CIMIP6: variants seen among roughly 807,000 people sequenced by gnomAD.
CIMIP6 encodes the protein ciliary microtubule inner protein 6, also known as uncharacterized protein C2orf73.
the CIMIP6 span, among the ~76,000 whole-genome samples, chr2:54,375,377 A>G: frequency 6.6e-6 from 1 of 152,276 alleles, no homozygotes; most frequent in Non-Finnish European, 1.5e-5. Flanking sequence ...GAAGAAATAC[A>G]GAATAAATAC....
chr2:54,336,610 GA>G, the CIMIP6 span, among the ~76,000 whole-genome samples: 11 of 151,978 alleles, frequency 7.2e-5, no homozygotes, highest in Admixed American at 3.9e-4. Context: ...GTAAATGGGG[GA>G]AAAAAATCCT....
At chr2:54,343,311 C>A in the CIMIP6 span, among the ~76,000 whole-genome samples, 1 of 152,006 alleles carries the variant, frequency 6.6e-6, no homozygotes, top group Non-Finnish European at 1.5e-5. Context: ...CTGAAAACCA[C>A]TATTTTTAGA....
the CIMIP6 span, among the ~76,000 whole-genome samples, chr2:54,348,312 A>G: frequency 6.6e-6 from 1 of 152,188 alleles, no homozygotes; most frequent in Non-Finnish European, 1.5e-5. Flanking sequence ...ATAAATGGTA[A>G]CTGTTTCTAT....
At chr2:54,335,748 C>T in the CIMIP6 span, among the ~76,000 whole-genome samples, 1 of 152,302 alleles carries the variant, frequency 6.6e-6, no homozygotes, top group Admixed American at 6.5e-5. Flanking sequence ...TATTATCTAG[C>T]TTAGAAGTCC....
chr2:54,336,211 G>T, the CIMIP6 span, among the ~76,000 whole-genome samples: 1 of 152,104 alleles, frequency 6.6e-6, no homozygotes, highest in Non-Finnish European at 1.5e-5. Flanking sequence ...TCACAATCAA[G>T]CTATGAATCA....
chr2:54,368,549 T>C, the CIMIP6 span, among the ~76,000 whole-genome samples: 3 of 152,192 alleles, frequency 2.0e-5, no homozygotes, highest in South Asian at 6.2e-4. Context: ...TCTAAGACCT[T>C]GGAATGTCCT....
the CIMIP6 span, among the ~76,000 whole-genome samples, chr2:54,367,652 G>A: frequency 6.6e-6 from 1 of 151,348 alleles, no homozygotes; most frequent in South Asian, 2.1e-4. Flanking sequence ...ATGTAAAAAA[G>A]GAGAAGAAAA....
chr2:54,354,419 T>C, the CIMIP6 span, among the ~76,000 whole-genome samples: 1 of 152,142 alleles, frequency 6.6e-6, no homozygotes, highest in South Asian at 2.1e-4. Flanking sequence ...TATATTAATT[T>C]AGGAAAAAGT....
the CIMIP6 span, among the ~76,000 whole-genome samples, chr2:54,373,811 G>A: frequency 6.6e-6 from 1 of 152,154 alleles, no homozygotes; most frequent in African/African-American, 2.4e-5. Context: ...GGCTTTGCCT[G>A]CTTCTGTGCT....
the CIMIP6 span, among the ~76,000 whole-genome samples, chr2:54,357,240 G>A: frequency 6.6e-6 from 1 of 152,108 alleles, no homozygotes; most frequent in African/African-American, 2.4e-5. Context: ...TTGAATATTA[G>A]TCATGCTTGC....
the CIMIP6 span, among the ~76,000 whole-genome samples, chr2:54,352,907 T>C: frequency 5.3e-5 from 8 of 152,322 alleles, no homozygotes; most frequent in African/African-American, 1.9e-4. Flanking sequence ...ACAGAACCTA[T>C]GGATAGAGAG....
the CIMIP6 span, among the ~76,000 whole-genome samples, chr2:54,350,138 G>A: frequency 6.6e-6 from 1 of 152,228 alleles, no homozygotes; most frequent in Non-Finnish European, 1.5e-5. Context: ...TTACAGGCGT[G>A]AGCCACCATA....
At chr2:54,368,125 T>C in the CIMIP6 span, among the ~76,000 whole-genome samples, 17 of 152,304 alleles carry the variant, frequency 1.1e-4, no homozygotes, top group Non-Finnish European at 2.2e-4. Flanking sequence ...CTAACAGAAA[T>C]TGAATTTCCA....
chr2:54,360,431 C>A, the CIMIP6 span: 1 of 1,598,168 alleles, frequency 6.3e-7, no homozygotes, highest in East Asian at 2.3e-5. Flanking sequence ...AGACGTCAGA[C>A]AGGCAGCCAA....
the CIMIP6 span, among the ~76,000 whole-genome samples, chr2:54,349,309 A>G: frequency 6.6e-6 from 1 of 152,102 alleles, no homozygotes; most frequent in African/African-American, 2.4e-5. Context: ...GAAGAGTGGG[A>G]TTTAAGAGAA....
At chr2:54,337,555 C>T in the CIMIP6 span, among the ~76,000 whole-genome samples, 4 of 152,160 alleles carry the variant, frequency 2.6e-5, no homozygotes, top group African/African-American at 9.7e-5. Context: ...GTTCACTGAA[C>T]TCATCCTTAC....
chr2:54,351,116 C>T, the CIMIP6 span, among the ~76,000 whole-genome samples: 5 of 152,144 alleles, frequency 3.3e-5, no homozygotes, highest in African/African-American at 1.2e-4. Flanking sequence ...CAGCATCTTT[C>T]ACTTGTTTGA....
chr2:54,341,207 T>A, the CIMIP6 span, among the ~76,000 whole-genome samples: 1 of 152,224 alleles, frequency 6.6e-6, no homozygotes, highest in Non-Finnish European at 1.5e-5. Flanking sequence ...TGAAATGTAA[T>A]TTCCATTGTA....
the CIMIP6 span, among the ~76,000 whole-genome samples, chr2:54,356,778 C>T: frequency 2.6e-5 from 4 of 152,160 alleles, no homozygotes; most frequent in African/African-American, 9.7e-5. Flanking sequence ...CAAAGTCACA[C>T]AACTAGGAAA....
Sources: allele counts gnomAD v4.1 joint callset (sites outside exome capture counted in the v4.1 genomes callset), GRCh38; gene constraint gnomAD v4.1.1; transcripts MANE v1.5; gene names NCBI Gene and HGNC (gene_info 2026-07-23, HGNC 2026-07-21).